The following SOX5 variants were observed in gnomAD, a reference collection of about 807,000 sequenced individuals.
SOX5 encodes transcription factor SOX-5.
Under a neutral mutation model 92.0 loss-of-function variants are expected in SOX5, and 9 were observed. That is an observed-to-expected ratio of 0.10 (90% CI 0.06 to 0.17). The LOEUF (loss-of-function observed/expected upper bound fraction) is 0.17, where lower values mean the gene tolerates loss of function less well. SOX5 is among the 10% of genes least tolerant of loss of function. The pLI is 1.00. For missense variants in SOX5, 642 were observed against 944.5 expected, an observed-to-expected ratio of 0.68 and a Z score of 4.20; for synonymous variants, 344 against 336.3, an observed-to-expected ratio of 1.02 and a Z score of -0.25.
intron 6 of SOX5, among the ~76,000 whole-genome samples, chr12:23,734,300 A>G (rs895452390): frequency 2.6e-5 from 4 of 152,154 alleles, no homozygotes; most frequent in Non-Finnish European, 5.9e-5. Context: ...TGCAATAAAA[A>G]AGTTCTATCT....
At chr12:23,561,096 T>C (rs1240810682) in intron 11 of SOX5, among the ~76,000 whole-genome samples, 1 of 152,246 alleles carries the variant, frequency 6.6e-6, no homozygotes, top group Non-Finnish European at 1.5e-5. Flanking sequence ...GATTCAGGAA[T>C]GATGATCATC....
At chr12:23,908,644 T>C (rs746316924) in intron 1 of SOX5, among the ~76,000 whole-genome samples, 25 of 151,564 alleles carry the variant, frequency 1.6e-4, no homozygotes, top group Non-Finnish European at 3.5e-4. Flanking sequence ...TAGACAGAGA[T>C]AAATTTTCCG....
chr12:23,652,897 T>C lies in SOX5; in HGVS notation c.932-12000A>G, dbSNP rs545519779. 3.9e-5 allele frequency among the ~76,000 whole-genome samples: 6 copies of C among 152,238 alleles called. No individual in the cohort carries two copies. The South Asian group carries it at 1.2e-3, about 32-fold the overall frequency. Reference sequence around the variant, plus strand: ...GTATTCATTCCTTGTATTTGAAGTATAGTAAGTATTTATTAATTATATACT... The same window carrying C: ...GTATTCATTCCTTGTATTTGAAGTACAGTAAGTATTTATTAATTATATACT... On this transcript the variant is annotated intron_variant, in intron 7 of 14. Coordinates refer to ENST00000451604, the MANE Select transcript of SOX5 (RefSeq NM_006940.6).
At chr12:24,311,416 C>A (rs1949168100) in intron 2 of SOX5, among the ~76,000 whole-genome samples, 1 of 152,126 alleles carries the variant, frequency 6.6e-6, no homozygotes, top group African/African-American at 2.4e-5. Flanking sequence ...ATGACTCTTG[C>A]AATGGCTGAG....
chr12:24,331,122 G>A (rs1951257381), intron 2 of SOX5, among the ~76,000 whole-genome samples: 1 of 151,756 alleles, frequency 6.6e-6, no homozygotes, highest in African/African-American at 2.4e-5. Context: ...AGCTTCCCAA[G>A]TCCCATATTT....
In SOX5 at chr12:24,001,445, GT is replaced by G. The variant is rs1309172904; in HGVS notation, c.-1-105422del. ...AATTATCAATAAATAACAAAAGAAA[GT>G]TTAAAAAAATCAGTAAATATTTGGA... On this transcript the variant is annotated intron_variant, in intron 4 of 4. Transcript: ENST00000446891. 5.9e-5 allele frequency among the ~76,000 whole-genome samples: 9 copies of G among 151,768 alleles called. No homozygotes were observed. The East Asian group carries it at 9.7e-4, about 16-fold the overall frequency.
intron 5 of SOX5, among the ~76,000 whole-genome samples, chr12:23,739,976 T>C (rs2093737602): frequency 6.6e-6 from 1 of 152,230 alleles, no homozygotes; most frequent in South Asian, 2.1e-4. Flanking sequence ...CTCTGGTTAA[T>C]TGAGATAGCC....
chr12:24,065,645 C>CAAAAAAAAAAAAAAAA (rs71445983), intron 4 of SOX5, among the ~76,000 whole-genome samples: 5 of 81,632 alleles, frequency 6.1e-5, no homozygotes, highest in African/African-American at 1.1e-4. Context: ...GACTCCATCT[C>CAAAAAAAAAAAAAAAA]AAAAAAAAAA....
intron 4 of SOX5, among the ~76,000 whole-genome samples, chr12:24,162,238 C>T (rs1952839606): frequency 6.6e-6 from 1 of 152,076 alleles, no homozygotes; most frequent in Non-Finnish European, 1.5e-5. Context: ...CTTTAGCAAA[C>T]AGATCAGGTA....
chr12:23,643,829 C>T (rs979313785), intron 7 of SOX5, among the ~76,000 whole-genome samples: 4 of 151,928 alleles, frequency 2.6e-5, no homozygotes, highest in Non-Finnish European at 4.4e-5. Context: ...AAAGGATGAT[C>T]GAAAGAAAGG....
chr12:23,592,091 T>C (rs748041557), intron 9 of SOX5, among the ~76,000 whole-genome samples: 1 of 152,184 alleles, frequency 6.6e-6, no homozygotes, highest in Admixed American at 6.5e-5. Flanking sequence ...AGAATACCAA[T>C]GCTGGCAACT....
At chr12:23,831,063 A>G (rs992951095) in intron 3 of SOX5, among the ~76,000 whole-genome samples, 48 of 152,134 alleles carry the variant, frequency 3.2e-4, no homozygotes, top group African/African-American at 1.0e-3. Flanking sequence ...CACCCATAAA[A>G]TAAGTCTTAA....
At chr12:24,327,497 C>T (rs545496559) in intron 2 of SOX5, among the ~76,000 whole-genome samples, 35 of 143,186 alleles carry the variant, frequency 2.4e-4, no homozygotes, top group Admixed American at 5.9e-4. Flanking sequence ...CTAACTGCAA[C>T]CTCTACCTCC....
intron 5 of SOX5, among the ~76,000 whole-genome samples, chr12:23,739,748 G>C (rs965199106): frequency 6.6e-6 from 1 of 152,096 alleles, no homozygotes; most frequent in Non-Finnish European, 1.5e-5. Context: ...TATTAACATG[G>C]CTGCCTTTTG....
At chr12:24,100,819 T>G (rs1225347132) in intron 4 of SOX5, among the ~76,000 whole-genome samples, 2 of 152,154 alleles carry the variant, frequency 1.3e-5, no homozygotes. Context: ...AAATGTCATC[T>G]ACATATGTCT....
At chr12:24,122,866 T>G (rs1948766857) in intron 4 of SOX5, among the ~76,000 whole-genome samples, 3 of 152,180 alleles carry the variant, frequency 2.0e-5, no homozygotes, top group Admixed American at 2.0e-4. Flanking sequence ...AAGGACACAA[T>G]GTGATGTTAA....
chr12:23,799,078 CT>C (rs1284748909), intron 3 of SOX5, among the ~76,000 whole-genome samples: 3 of 152,018 alleles, frequency 2.0e-5, no homozygotes, highest in Admixed American at 2.0e-4. Context: ...TCTTTAAGAG[CT>C]TTTTGGGGGT....
intron 9 of SOX5, among the ~76,000 whole-genome samples, chr12:23,598,773 G>A (rs939348060): frequency 3.3e-5 from 5 of 152,084 alleles, no homozygotes; most frequent in African/African-American, 1.2e-4. Flanking sequence ...TGTGTTAGTG[G>A]TAGGTAGACT....
Position 24,471,172 on chromosome 12 carries a change from T to C in SOX5, c.-251+91157A>G, listed in dbSNP as rs146963324. ...TAAAGTTTCTACACATCCTTAGAGT[T>C]GGGTTATTTGCCTCCTCACACTCTT... On this transcript the variant is annotated intron_variant, in intron 1 of 4. Coordinates refer to the SOX5 transcript ENST00000446891. 2.8e-3 allele frequency among the ~76,000 whole-genome samples: 420 copies of C among 152,256 alleles called. 1 individual carries two copies. Among genetic ancestry groups the C allele is most frequent in the Middle Eastern group, 0.027 (8 of 294 alleles).
Sources: allele counts gnomAD v4.1 joint callset (sites outside exome capture counted in the v4.1 genomes callset), GRCh38; gene constraint gnomAD v4.1.1; transcripts MANE v1.5; gene names NCBI Gene and HGNC (gene_info 2026-07-23, HGNC 2026-07-21).